KCNH7: variants seen among roughly 807,000 people sequenced by gnomAD.
KCNH7 encodes potassium voltage-gated channel subfamily H member 7.
Under a neutral mutation model 120.8 loss-of-function variants are expected in KCNH7, and 49 were observed. That is an observed-to-expected ratio of 0.41 (90% CI 0.32 to 0.51). KCNH7 has a LOEUF of 0.51. Ranked by LOEUF, KCNH7 falls within the 20% of genes least tolerant of loss-of-function variation. The pLI is 0.38. For missense variants in KCNH7, 1,097 were observed against 1,446.6 expected (o/e 0.76, Z 3.92); for synonymous variants, 547 against 516.1 (o/e 1.06, Z -0.81).
chr2:162,617,432 T>C (rs1285189792), intron 2 of KCNH7, among the ~76,000 whole-genome samples: 1 of 152,058 alleles, frequency 6.6e-6, no homozygotes, highest in Non-Finnish European at 1.5e-5. Context: ...TGAGCTGAGA[T>C]TGCGCCACTG....
chr2:162,613,099 A>C (rs926081904), intron 2 of KCNH7, among the ~76,000 whole-genome samples: 1 of 152,020 alleles, frequency 6.6e-6, no homozygotes, highest in East Asian at 1.9e-4. Flanking sequence ...ATGGAAAAGC[A>C]AGGATACTCA....
At chr2:162,560,584 T>C (rs1426129366) in intron 2 of KCNH7, among the ~76,000 whole-genome samples, 1 of 152,202 alleles carries the variant, frequency 6.6e-6, no homozygotes, top group Non-Finnish European at 1.5e-5. Context: ...TAAAAGGCTA[T>C]GTGCAATAGT....
At chr2:162,601,771 C>A (rs1049146451) in intron 2 of KCNH7, among the ~76,000 whole-genome samples, 3 of 152,024 alleles carry the variant, frequency 2.0e-5, no homozygotes, top group African/African-American at 7.2e-5. Flanking sequence ...TAAACATGGA[C>A]TGCACTTAAT....
rs1687765621 is a variant in KCNH7, at chr2:162,423,423, A to G, written c.2067T>C (p.Phe689=). ...QMLRVKEFIR[F]HQIPNPLRQR... ...GCCTCAGAGGGTTGGGGATTTGGTG[A>G]AAGCGAATGAACTCTTTTACTCGCA... Residue 689 remains phenylalanine (F), a synonymous_variant, in exon 9 of 16, where the codon TTT becomes TTC. Transcript: ENST00000332142. 6.2e-7 allele frequency: 1 copy of G among 1,614,164 alleles called. No individual in the cohort carries two copies. The highest frequency in any genetic ancestry group is 1.7e-5 in the Admixed American group (1 of 60,014).
At chr2:162,660,088 C>T (rs6737376) in intron 2 of KCNH7, among the ~76,000 whole-genome samples, 34,456 of 151,654 alleles carry the variant, frequency 0.23, 6,105 homozygotes, top group African/African-American at 0.49. Flanking sequence ...TTTGTTTCAT[C>T]GGTTTTCCTC....
intron 2 of KCNH7, among the ~76,000 whole-genome samples, chr2:162,749,509 T>C (rs571256459): frequency 1.3e-5 from 2 of 152,266 alleles, no homozygotes; most frequent in African/African-American, 4.8e-5. Context: ...GTAAATTATA[T>C]AACATGTTAT....
intron 5 of KCNH7, among the ~76,000 whole-genome samples, chr2:162,511,480 CAAAAAAAA>C (rs34204046): frequency 2.1e-5 from 2 of 96,006 alleles, no homozygotes; most frequent in Admixed American, 2.2e-4. Context: ...GTGGACAGGT[CAAAAAAAA>C]AAAAAAAAAA....
chr2:162,659,508 AT>A (rs1216013501), intron 2 of KCNH7, among the ~76,000 whole-genome samples: 1 of 151,836 alleles, frequency 6.6e-6, no homozygotes, highest in Non-Finnish European at 1.5e-5. Flanking sequence ...CACCTGGCTA[AT>A]TTTTGTATTT....
intron 2 of KCNH7, among the ~76,000 whole-genome samples, chr2:162,629,593 T>C (rs571910287): frequency 9.2e-5 from 14 of 152,136 alleles, no homozygotes; most frequent in Non-Finnish European, 1.5e-4. Context: ...AGTAGTGGTC[T>C]TTTACTCTGG....
intron 2 of KCNH7, among the ~76,000 whole-genome samples, chr2:162,606,616 G>T (rs866855889): frequency 2.0e-5 from 3 of 152,040 alleles, no homozygotes; most frequent in Non-Finnish European, 2.9e-5. Context: ...CTTCCACCTC[G>T]CTATGTATCA....
intron 2 of KCNH7, among the ~76,000 whole-genome samples, chr2:162,790,113 G>C (rs780983825): frequency 5.3e-5 from 8 of 151,014 alleles, no homozygotes; most frequent in African/African-American, 9.7e-5. Context: ...TAAGAAAAAA[G>C]AGATGACTTA....
Position 162,575,546 on chromosome 2 carries a change from T to A in KCNH7, c.308-38466A>T, listed in dbSNP as rs185524563. ...TTGGATCTCCCAATTTCAAATGCTG[T>A]CCTGGCTAGCTGGCTCTTGTTTACC... On this transcript the variant is annotated intron_variant, in intron 2 of 15. Coordinates refer to ENST00000332142, the MANE Select transcript of KCNH7 (RefSeq NM_033272.4). Among the ~76,000 whole-genome samples the A allele has an allele frequency of 1.2e-4, 18 of 152,202 alleles. No individual in the cohort carries two copies. The East Asian group carries it at 2.3e-3, about 20-fold the overall frequency.
chr2:162,556,756 T>C (rs1160829927), intron 2 of KCNH7, among the ~76,000 whole-genome samples: 1 of 152,204 alleles, frequency 6.6e-6, no homozygotes, highest in East Asian at 1.9e-4. Flanking sequence ...TTTCATCTTT[T>C]CTGAAGAATG....
chr2:162,701,519 A>G (rs1686498295), intron 2 of KCNH7, among the ~76,000 whole-genome samples: 1 of 152,152 alleles, frequency 6.6e-6, no homozygotes, highest in African/African-American at 2.4e-5. Context: ...AAGTGTACAA[A>G]AATAATGAAG....
intron 2 of KCNH7, among the ~76,000 whole-genome samples, chr2:162,758,024 A>G (rs867251288): frequency 2.0e-5 from 3 of 152,202 alleles, no homozygotes; most frequent in Admixed American, 6.6e-5. Flanking sequence ...GAGATTTTAT[A>G]TGCAGATATG....
intron 2 of KCNH7, among the ~76,000 whole-genome samples, chr2:162,545,101 G>C (rs766406499): frequency 5.3e-5 from 8 of 152,014 alleles, no homozygotes; most frequent in Non-Finnish European, 8.8e-5. Flanking sequence ...GACCTGTCCT[G>C]CATTCATCTT....
intron 2 of KCNH7, among the ~76,000 whole-genome samples, chr2:162,670,470 C>CAAAAAAAAAAAAAA (rs61610131): frequency 6.2e-5 from 3 of 48,244 alleles, no homozygotes; most frequent in Non-Finnish European, 1.2e-4. Flanking sequence ...CGAACTCTGT[C>CAAAAAAAAAAAAAA]AAAAAAAAAA....
In KCNH7 at chr2:162,371,934, G is replaced by A. The variant is rs748046524; in HGVS notation, c.3486C>T (p.Tyr1162=). ...LELHLRQRKT[Y]VHPIRHPSLP... Reference sequence around the variant, plus strand: ...AAGAAGGATGCCTAATTGGATGAACGTAAGTTTTTCTTTGCCGCAGGTGAA... The same window carrying A: ...AAGAAGGATGCCTAATTGGATGAACATAAGTTTTTCTTTGCCGCAGGTGAA... Residue 1162 remains tyrosine, a synonymous_variant, in exon 16 of 16, where the codon TAC becomes TAT. Coordinates refer to ENST00000332142, the MANE Select transcript of KCNH7 (RefSeq NM_033272.4). 25 of 1,613,706 alleles carry A rather than the reference G, an allele frequency of 1.5e-5. No homozygotes were observed. The highest frequency in any genetic ancestry group is 1.3e-4 in the East Asian group (6 of 44,850).
chr2:162,545,875 T>C (rs1436742330), intron 2 of KCNH7, among the ~76,000 whole-genome samples: 1 of 152,202 alleles, frequency 6.6e-6, no homozygotes, highest in East Asian at 1.9e-4. Flanking sequence ...TTTCAAAATA[T>C]GGATATATGT....
Sources: gnomAD v4.1 joint callset for allele counts (sites outside exome capture counted in the v4.1 genomes callset) on GRCh38, gnomAD v4.1.1 for gene constraint, MANE v1.5 for transcripts, NCBI Gene and HGNC (gene_info 2026-07-23, HGNC 2026-07-21) for gene names.